The following NUB1 variants were observed in gnomAD, a reference collection of about 807,000 sequenced individuals.
The protein encoded by NUB1 is negative regulator of ubiquitin like proteins 1.
In NUB1, 41 loss-of-function variants were observed where a neutral mutation model predicts 77.1. The observed-to-expected ratio is 0.53, with a 90% CI of 0.41 to 0.69. The LOEUF is 0.69. NUB1 is among the 30% of genes least tolerant of loss of function. NUB1 has a pLI of 0.00. For missense variants in NUB1, 643 were observed against 743.8 expected (o/e 0.86, Z 1.58); for synonymous variants, 257 against 281.0 (o/e 0.91, Z 0.85).
intron 5 of NUB1, among the ~76,000 whole-genome samples, chr7:151,354,378 T>TG (rs1434606696): frequency 6.6e-6 from 1 of 151,736 alleles, no homozygotes; most frequent in African/African-American, 2.4e-5. Context: ...TTATTTTGTG[T>TG]GTTAATGTTA....
intron 11 of NUB1, 147 bp downstream of exon 11, chr7:151,369,034 GTCTC>G: frequency 1.1e-6 from 1 of 907,424 alleles, no homozygotes; most frequent in Non-Finnish European, 1.6e-6. Flanking sequence ...TTGAGACAGA[GTCTC>G]ACTTTGTCAT....
chr7:151,349,633 A>G (rs1201272338), intron 3 of NUB1, among the ~76,000 whole-genome samples: 5 of 152,188 alleles, frequency 3.3e-5, no homozygotes, highest in Non-Finnish European at 4.4e-5. Context: ...AGTGCTCTCA[A>G]GCAGGGCCGA....
intron 5 of NUB1, among the ~76,000 whole-genome samples, chr7:151,355,217 C>T (rs1298629627): frequency 6.6e-6 from 1 of 152,150 alleles, no homozygotes; most frequent in Non-Finnish European, 1.5e-5. Context: ...ATATCTGTTG[C>T]TTTGATCTGG....
intron 12 of NUB1, among the ~76,000 whole-genome samples, chr7:151,374,777 C>A (rs1328099648): frequency 6.6e-6 from 1 of 152,130 alleles, no homozygotes; most frequent in African/African-American, 2.4e-5. Context: ...ATATCGAATC[C>A]TCAGTAGGGC....
intron 2 of NUB1, 40 bp downstream of exon 2, chr7:151,345,506 A>T (rs774567023): frequency 9.6e-7 from 1 of 1,044,972 alleles, no homozygotes; most frequent in Non-Finnish European, 1.4e-6. Context: ...GCAGCATTAT[A>T]AATCTCCTTG....
Position 151,377,143 on chromosome 7 carries a change from C to T in NUB1, c.1766C>T (p.Ser589Leu). The T allele has an allele frequency of 6.3e-7, 1 of 1,588,990 alleles. No homozygotes were observed. Among genetic ancestry groups the T allele is most frequent in the South Asian group, 1.1e-5 (1 of 87,320 alleles). ...IPEHEEDYLD[S>L]TLEDEEIIIA... ...GAGCATGAGGAAGACTATCTTGACT[C>T]AACTCTGGAAGATGAAGAAATTATT... Residue 589 changes from serine (S) to leucine (L), a missense_variant, in exon 15 of 15, where the codon TCA (serine) becomes TTA (leucine). Ser to Leu is a moderately radical substitution (Grantham distance 145, BLOSUM62 -2). Transcript: ENST00000568733.
chr7:151,352,983 T>C (rs956158485), intron 5 of NUB1, 101 bp downstream of exon 5: 2 of 648,412 alleles, frequency 3.1e-6, no homozygotes, highest in African/African-American at 3.8e-5. Context: ...GTAGCTTTAT[T>C]TCATTTATAA....
At chr7:151,374,895 A>G (rs1322165422) in intron 12 of NUB1, among the ~76,000 whole-genome samples, 6 of 151,656 alleles carry the variant, frequency 4.0e-5, no homozygotes, top group South Asian at 4.2e-4. Context: ...AGGGGTCCCG[A>G]GGGGGTGCAC....
intron 3 of NUB1, among the ~76,000 whole-genome samples, chr7:151,350,056 G>A (rs450947): frequency 0.55 from 84,363 of 152,144 alleles, 24,932 homozygotes; most frequent in East Asian, 0.84. Context: ...CCTTTCCCTT[G>A]TAGGTAGACG....
intron 3 of NUB1, among the ~76,000 whole-genome samples, chr7:151,350,550 C>T (rs981796043): frequency 4.6e-5 from 7 of 152,228 alleles, no homozygotes; most frequent in African/African-American, 1.7e-4. Flanking sequence ...GCTCCTATCT[C>T]TGTGTGGCCT....
Position 151,374,143 on chromosome 7 carries a change from G to A in NUB1, c.1295G>A (p.Arg432His), listed in dbSNP as rs766868195. ...GAGGAAAAAGAGAAGAAAAGACGCC[G>A]CCTCGAGAACATCAGGTTTCTGAAA... is the stretch of plus-strand genomic sequence containing the variant. ...RKEEKEKKRR[R>H]LENIRFLKGM... The change falls in exon 12 of 15, where the codon CGC becomes CAC. Residue 432 changes from arginine to histidine, a missense_variant. Transcript: ENST00000568733. 1.8e-5 allele frequency: 29 copies of A among 1,573,908 alleles called. No homozygotes were observed. In the Admixed American group the frequency reaches 1.9e-4, roughly 10 times the overall value.
At chr7:151,364,453 A>C (rs76537721) in intron 8 of NUB1, among the ~76,000 whole-genome samples, 115,420 of 150,308 alleles carry the variant, frequency 0.77, 44,673 homozygotes, top group African/African-American at 0.81. Context: ...AAAAAAAAAA[A>C]CAAAAAAACT....
Position 151,367,989 on chromosome 7 carries a change from A to G in NUB1, c.1095+21A>G, listed in dbSNP as rs1288379223. 6 of 1,288,990 alleles carry G rather than the reference A, an allele frequency of 4.7e-6. No homozygotes were observed. In the East Asian group the frequency reaches 1.5e-4, roughly 32 times the overall value. 79.8% of individuals were successfully genotyped at this position (1,288,990 alleles called of 1,614,324 possible). ...ACAAGGTAAGAAAAGTAAAGTTGTAACCAATTTTCACCTCCTTTTAAAAAA... is the reference window on the plus strand; with the variant it reads ...ACAAGGTAAGAAAAGTAAAGTTGTAGCCAATTTTCACCTCCTTTTAAAAAA... On this transcript the variant is annotated intron_variant, in intron 10 of 14. Coordinates refer to ENST00000568733, the MANE Select transcript of NUB1 (RefSeq NM_001243351.2).
At chr7:151,358,091 T>C (rs958976839) in intron 7 of NUB1, among the ~76,000 whole-genome samples, 1 of 151,868 alleles carries the variant, frequency 6.6e-6, no homozygotes, top group Non-Finnish European at 1.5e-5. Context: ...TTCTCCTGCC[T>C]CAGCCTCCTG....
chr7:151,369,723 C>T (rs1797873227), intron 11 of NUB1, among the ~76,000 whole-genome samples: 1 of 152,196 alleles, frequency 6.6e-6, no homozygotes, highest in African/African-American at 2.4e-5. Flanking sequence ...CTTGCCAAAA[C>T]AAGAAGTTGG....
Position 151,367,055 on chromosome 7 carries a change from A to G in NUB1, c.917A>G (p.Lys306Arg). 1 of 1,613,964 alleles carries G rather than the reference A, an allele frequency of 6.2e-7. No individual in the cohort carries two copies. The highest frequency in any genetic ancestry group is 1.7e-5 in the Admixed American group (1 of 60,032). Residue 306 changes from lysine (K) to arginine (R), a missense_variant, in exon 9 of 15, where the codon AAA (lysine) becomes AGA (arginine). Transcript: ENST00000568733. ...GAATGCCTTGATGATGCAGAAAAAA[A>G]ATTAAACTTGGCCCAGAAATGCTTT... Reference protein sequence around the residue: ...QLECLDDAEKKLNLAQKCFKN... With the variant: ...QLECLDDAEKRLNLAQKCFKN...
At chr7:151,374,329 C>T (rs1200321245) in intron 12 of NUB1, 86 bp downstream of exon 12, 16 of 1,469,034 alleles carry the variant, frequency 1.1e-5, no homozygotes, top group Middle Eastern at 1.7e-4. Flanking sequence ...AGCATCCTCC[C>T]GGGCTCACTC....
At chr7:151,366,106 C>T (rs973798232) in intron 8 of NUB1, among the ~76,000 whole-genome samples, 17 of 152,312 alleles carry the variant, frequency 1.1e-4, no homozygotes, top group African/African-American at 3.8e-4. Context: ...GTAATCATAA[C>T]TTAAAATTAG....
In NUB1 at chr7:151,362,524, A is replaced by G. The variant is rs1381328953; in HGVS notation, c.800+2277A>G. On this transcript the variant is annotated intron_variant, in intron 8 of 14. Coordinates refer to ENST00000568733, the MANE Select transcript of NUB1 (RefSeq NM_001243351.2). ...TGACCAAGAATAGTTTCTTTCCCCA[A>G]ATTGTATGAAACAGTGACTTCCTGG... Among the ~76,000 whole-genome samples, 4 of 152,188 alleles carry G rather than the reference A, an allele frequency of 2.6e-5. No individual in the cohort carries two copies. The East Asian group carries it at 7.7e-4, about 29-fold the overall frequency.
Sources: allele counts gnomAD v4.1 joint callset (sites outside exome capture counted in the v4.1 genomes callset), GRCh38; gene constraint gnomAD v4.1.1; transcripts MANE v1.5; gene names NCBI Gene and HGNC (gene_info 2026-07-23, HGNC 2026-07-21).